RPF1: variants seen among roughly 807,000 people sequenced by gnomAD.
RPF1 encodes ribosome production factor 1.
In RPF1, 34 loss-of-function variants were observed where a neutral mutation model predicts 41.9. The ratio of observed to expected loss-of-function variants is 0.81; its 90% CI spans 0.62 to 1.08. The LOEUF is 1.08. RPF1 is among the 50% of genes least tolerant of loss of function. The pLI is 0.00. For missense variants in RPF1, 425 were observed against 435.2 expected, an observed-to-expected ratio of 0.98 and a Z score of 0.21; for synonymous variants, 140 against 148.9, an observed-to-expected ratio of 0.94 and a Z score of 0.43.
At position 84,490,326 on chromosome 1, in the gene RPF1, T is replaced by C; in HGVS notation, c.470T>C (p.Val157Ala). Residue 157 changes from valine (V) to alanine (A), a missense_variant, in exon 5 of 9, where the codon GTA (valine) becomes GCA (alanine). Transcript: ENST00000370654. ...TGTTATTTTGTTTTGCAGAGAACAG[T>C]ACGACTCTGTGAACAGCTCTCCACA... ...TTSDRPHGRT[V>A]RLCEQLSTVI... 6.3e-7 allele frequency: 1 copy of C among 1,587,582 alleles called. No individual in the cohort carries two copies. Among genetic ancestry groups the C allele is most frequent in the Non-Finnish European group, 8.5e-7 (1 of 1,171,492 alleles).
intron 2 of RPF1, among the ~76,000 whole-genome samples, chr1:84,481,742 G>A (rs910722337): frequency 6.6e-6 from 1 of 152,090 alleles, no homozygotes; most frequent in African/African-American, 2.4e-5. Flanking sequence ...TTTATTTTCA[G>A]TGTATTTATA....
At chr1:84,490,166 A>G (rs935020716) in intron 4 of RPF1, among the ~76,000 whole-genome samples, 153 bp from the exon 5 acceptor site, 5 of 152,196 alleles carry the variant, frequency 3.3e-5, no homozygotes, top group Admixed American at 6.5e-5. Flanking sequence ...GCCTTTGATA[A>G]AAGAGGACAC....
At chr1:84,481,262 T>C (rs2101881553) in intron 2 of RPF1, among the ~76,000 whole-genome samples, 1 of 152,312 alleles carries the variant, frequency 6.6e-6, no homozygotes, top group Middle Eastern at 3.4e-3. Context: ...ACTCGTGAAA[T>C]TTTTGATTAT....
chr1:84,483,031 A>C (rs1267349292), intron 3 of RPF1, 36 bp downstream of exon 3: 4 of 1,243,006 alleles, frequency 3.2e-6, no homozygotes, highest in Non-Finnish European at 4.7e-6. Context: ...TTGAATGATC[A>C]CATATAATTG....
Position 84,489,702 on chromosome 1 carries a change from A to G in RPF1, c.436A>G (p.Ile146Val). Residue 146 changes from isoleucine (I) to valine (V), a missense_variant, in exon 4 of 9, where the codon ATC becomes GTC. Ile to Val is a conservative substitution (Grantham distance 29). Coordinates refer to ENST00000370654, the MANE Select transcript of RPF1 (RefSeq NM_025065.7). ...CAAACAGACTTCTCCCAAGATTCTC[A>G]TCACAACATCAGATAGACCTCATGG... ...FNKQTSPKILITTSDRPHGRT... is the reference protein window; with the variant it reads ...FNKQTSPKILVTTSDRPHGRT... 6.3e-7 allele frequency: 1 copy of G among 1,599,384 alleles called. No homozygotes were observed. Among genetic ancestry groups the G allele is most frequent in the Non-Finnish European group, 8.6e-7 (1 of 1,166,638 alleles).
At chr1:84,486,429 T>C (rs1681739410) in intron 3 of RPF1, among the ~76,000 whole-genome samples, 1 of 151,326 alleles carries the variant, frequency 6.6e-6, no homozygotes, top group African/African-American at 2.4e-5. Flanking sequence ...CTACTAAAAA[T>C]ACAAAAAAAT....
chr1:84,496,227 T>C lies in RPF1; in HGVS notation c.882-17T>C, dbSNP rs918477746. On this transcript the variant is annotated splice_polypyrimidine_tract_variant and intron_variant, in intron 7 of 8. Transcript: ENST00000370654. ...AATAGCTCATTCAGACTAATTTAAC[T>C]CTTTTTGTCTTTGAAGATACATATT... 1 of 1,605,044 alleles carries C rather than the reference T, an allele frequency of 6.2e-7. No homozygotes were observed. Among genetic ancestry groups the C allele is most frequent in the African/African-American group, 1.3e-5 (1 of 74,266 alleles).
At chr1:84,493,164 A>G (rs1681863770) in intron 5 of RPF1, among the ~76,000 whole-genome samples, 1 of 152,144 alleles carries the variant, frequency 6.6e-6, no homozygotes, top group Non-Finnish European at 1.5e-5. Flanking sequence ...TGTTCTAGAA[A>G]GGATTTAAGC....
In RPF1 at chr1:84,479,408, C is replaced by G. The variant is rs1481743410; in HGVS notation, c.127C>G (p.Pro43Ala). Reference sequence around the variant, plus strand: ...GGCGACGGAAAACGGGGTCCAACCCCCGAAAGCGGCTGCCTTTCCGCCAGG... The same window carrying G: ...GGCGACGGAAAACGGGGTCCAACCCGCGAAAGCGGCTGCCTTTCCGCCAGG... Reference protein sequence around the residue: ...DGATENGVQPPKAAAFPPGFS... With the variant: ...DGATENGVQPAKAAAFPPGFS... The change falls in exon 1 of 9, where the codon CCG becomes GCG. Residue 43 changes from proline (P) to alanine (A), a missense_variant. Transcript: ENST00000370654. The G allele has an allele frequency of 1.9e-6, 3 of 1,614,220 alleles. No individual in the cohort carries two copies. Among genetic ancestry groups the G allele is most frequent in the South Asian group, 2.2e-5 (2 of 91,084 alleles).
intron 5 of RPF1, among the ~76,000 whole-genome samples, chr1:84,491,330 A>T (rs570887324): frequency 2.0e-5 from 3 of 152,226 alleles, no homozygotes; most frequent in Non-Finnish European, 4.4e-5. Flanking sequence ...TAAAATTATA[A>T]AGAATTTACA....
Position 84,496,336 on chromosome 1 carries a change from A to C in RPF1, c.974A>C (p.Asp325Ala), listed in dbSNP as rs752968579. 1 of 1,612,712 alleles carries C rather than the reference A, an allele frequency of 6.2e-7. No homozygotes were observed. The highest frequency in any genetic ancestry group is 8.5e-7 in the Non-Finnish European group (1 of 1,179,238). ...AGGTCTCTTCAGAAAGGAACCTTTG[A>C]TTCTAAATATGGAGAGTATGAATGG... Reference protein sequence around the residue: ...KLRSLQKGTFDSKYGEYEWVH... With the variant: ...KLRSLQKGTFASKYGEYEWVH... Residue 325 changes from aspartate (D) to alanine (A), a missense_variant, in exon 8 of 9, where the codon GAT becomes GCT. Transcript: ENST00000370654.
At position 84,495,421 on chromosome 1, in the gene RPF1, A is replaced by G; in HGVS notation, c.665A>G (p.Lys222Arg). 1 of 1,520,128 alleles carries G rather than the reference A, an allele frequency of 6.6e-7. No homozygotes were observed. Among genetic ancestry groups the G allele is most frequent in the Non-Finnish European group, 9.0e-7 (1 of 1,109,370 alleles). The allele number at this position is 1,520,128 out of a possible 1,614,324, so 94.2% of individuals were successfully genotyped here. A position where few individuals can be genotyped will look rare whatever the true frequency, so the allele number is the denominator to read the frequency against. ...HLPNGPTAHF[K>R]MSSVRLRKEI... ...CCAAATGGCCCAACTGCTCATTTTAAAATGAGCAGTGTTCGTCTTCGTAAA... is the reference window on the plus strand; with the variant it reads ...CCAAATGGCCCAACTGCTCATTTTAGAATGAGCAGTGTTCGTCTTCGTAAA... The change falls in exon 6 of 9, where the codon AAA (lysine) becomes AGA (arginine). Residue 222 changes from lysine to arginine, a missense_variant. Transcript: ENST00000370654.
At chr1:84,490,939 T>G (rs765059875) in intron 5 of RPF1, among the ~76,000 whole-genome samples, 3 of 152,112 alleles carry the variant, frequency 2.0e-5, no homozygotes, top group Non-Finnish European at 4.4e-5. Flanking sequence ...AAGCGCTCAG[T>G]GCAGAGGGAC....
intron 1 of RPF1, among the ~76,000 whole-genome samples, chr1:84,479,989 C>T (rs139203838): frequency 3.3e-5 from 5 of 152,304 alleles, no homozygotes; most frequent in Non-Finnish European, 5.9e-5. Flanking sequence ...TTCTTTTCAG[C>T]TTTATCCTTA....
intron 8 of RPF1, among the ~76,000 whole-genome samples, chr1:84,497,052 A>G (rs1307699341): frequency 6.6e-6 from 1 of 151,570 alleles, no homozygotes; most frequent in Non-Finnish European, 1.5e-5. Flanking sequence ...TTCTATTTTT[A>G]GTAGAGAAGG....
intron 3 of RPF1, among the ~76,000 whole-genome samples, chr1:84,488,115 C>G (rs1681765861): frequency 1.3e-5 from 2 of 152,112 alleles, no homozygotes; most frequent in Non-Finnish European, 2.9e-5. Flanking sequence ...TTCTTTCACT[C>G]CTGCCCCTAA....
intron 8 of RPF1, among the ~76,000 whole-genome samples, chr1:84,496,953 C>T (rs1187768249): frequency 6.6e-6 from 1 of 151,992 alleles, no homozygotes; most frequent in Non-Finnish European, 1.5e-5. Context: ...CTCACTGCAA[C>T]CTCCACCTCC....
Position 84,490,357 on chromosome 1 carries a change from A to G in RPF1, c.501A>G (p.Ile167Met). ...TCTGTGAACAGCTCTCCACAGTTATACCAAACTCACATGTTTATTACAGAA... is the reference window on the plus strand; with the variant it reads ...TCTGTGAACAGCTCTCCACAGTTATGCCAAACTCACATGTTTATTACAGAA... ...VRLCEQLSTV[I>M]PNSHVYYRRG... is the part of the protein sequence containing the mutation. The change falls in exon 5 of 9, where the codon ATA becomes ATG. Residue 167 changes from isoleucine to methionine, a missense_variant. By Grantham distance (10) the Ile-to-Met change is conservative. Transcript: ENST00000370654. 6.2e-7 allele frequency: 1 copy of G among 1,609,356 alleles called. No homozygotes were observed. Among genetic ancestry groups the G allele is most frequent in the Non-Finnish European group, 8.5e-7 (1 of 1,178,236 alleles).
At chr1:84,483,037 A>G (rs747841593) in intron 3 of RPF1, 42 bp downstream of exon 3, 24 of 1,208,668 alleles carry the variant, frequency 2.0e-5, no homozygotes, top group Non-Finnish European at 2.8e-5. Flanking sequence ...GATCACATAT[A>G]ATTGATAAAT....
Sources: gnomAD v4.1 joint callset for allele counts (sites outside exome capture counted in the v4.1 genomes callset) on GRCh38, gnomAD v4.1.1 for gene constraint, MANE v1.5 for transcripts, NCBI Gene and HGNC (gene_info 2026-07-23, HGNC 2026-07-21) for gene names.